Variants in CSMD1 observed in about 807,000 individuals in gnomAD.
CSMD1 encodes CUB and Sushi multiple domains 1.
Under a neutral mutation model 417.5 loss-of-function variants are expected in CSMD1, and 213 were observed. That is an observed-to-expected ratio of 0.51 (90% CI 0.46 to 0.57). The LOEUF is 0.57. Among genes scored for constraint, CSMD1 ranks in the 20% least tolerant of loss-of-function variants. CSMD1 has a pLI of 0.00. For synonymous variants in CSMD1, 2,862 were observed against 1,736.8 expected (o/e 1.65, Z -16.11); for missense variants, 6,923 against 4,529.7 (o/e 1.53, Z -15.17).
intron 1 of CSMD1, among the ~76,000 whole-genome samples, chr8:4,804,999 T>C (rs1338623409): frequency 1.3e-5 from 2 of 152,180 alleles, no homozygotes; most frequent in African/African-American, 4.8e-5. Flanking sequence ...ATAGGATTAA[T>C]TTAAATCTAG....
At chr8:4,765,760 G>C (rs1812422665) in intron 1 of CSMD1, among the ~76,000 whole-genome samples, 1 of 152,104 alleles carries the variant, frequency 6.6e-6, no homozygotes, top group Non-Finnish European at 1.5e-5. Flanking sequence ...TAAATTATTG[G>C]GATAATTTCC....
intron 31 of CSMD1, 146 bp from the exon 32 acceptor site, chr8:3,201,871 C>T: frequency 4.3e-6 from 2 of 467,108 alleles, no homozygotes; most frequent in South Asian, 5.4e-5. Flanking sequence ...CTTATTTTCT[C>T]TGCTTTCTAA....
chr8:3,854,116 T>C (rs1317317150), intron 5 of CSMD1, among the ~76,000 whole-genome samples: 1 of 145,166 alleles, frequency 6.9e-6, no homozygotes, highest in African/African-American at 2.5e-5. Context: ...TATAGTTATA[T>C]ATTATACTTA....
chr8:3,189,102 TAAGA>T, intron 34 of CSMD1, 91 bp from the exon 35 acceptor site: 9 of 1,228,268 alleles, frequency 7.3e-6, no homozygotes, highest in Non-Finnish European at 1.0e-5. Context: ...GACCACACAG[TAAGA>T]GAAAATGTAC....
chr8:4,624,982 A>G (rs1420963211), intron 2 of CSMD1, among the ~76,000 whole-genome samples: 1 of 152,174 alleles, frequency 6.6e-6, no homozygotes, highest in Non-Finnish European at 1.5e-5. Context: ...TGAGTTTATC[A>G]TCACCTTATT....
intron 7 of CSMD1, among the ~76,000 whole-genome samples, chr8:3,661,360 C>G (rs1047590484): frequency 6.6e-6 from 1 of 152,068 alleles, no homozygotes. Flanking sequence ...CTCCACCTCA[C>G]TGCAGATTTC....
At position 4,798,796 on chromosome 8, in the gene CSMD1, A is replaced by G. The variant is rs78181992; in HGVS notation, c.86-161238T>C. Among the ~76,000 whole-genome samples the G allele has an allele frequency of 7.5e-3, 1,141 of 152,340 alleles. 12 individuals are homozygous for G. Among genetic ancestry groups the G allele is most frequent in the Non-Finnish European group, 0.011 (717 of 68,038 alleles). Reference sequence around the variant, plus strand: ...CATTAGTAGAACTTCAAAAGTAGAAACTGGGAGAAGAAAAATAATCATTTT... The same window carrying G: ...CATTAGTAGAACTTCAAAAGTAGAAGCTGGGAGAAGAAAAATAATCATTTT... On this transcript the variant is annotated intron_variant, in intron 1 of 69. Coordinates refer to ENST00000635120, the MANE Select transcript of CSMD1 (RefSeq NM_033225.6).
intron 3 of CSMD1, among the ~76,000 whole-genome samples, chr8:4,345,441 A>C (rs1019621720): frequency 6.6e-6 from 1 of 152,110 alleles, no homozygotes; most frequent in Admixed American, 6.6e-5. Flanking sequence ...AGGATAAAGA[A>C]GAGAAAAAAT....
chr8:3,558,368 G>GAT (rs1563152244), intron 10 of CSMD1, among the ~76,000 whole-genome samples: 3 of 88,620 alleles, frequency 3.4e-5, no homozygotes, highest in Non-Finnish European at 5.9e-5. Context: ...AATGATGAAT[G>GAT]GTGCCTCAGT....
At chr8:4,528,468 G>C (rs1215175519) in intron 2 of CSMD1, among the ~76,000 whole-genome samples, 1 of 152,168 alleles carries the variant, frequency 6.6e-6, no homozygotes, top group East Asian at 1.9e-4. Flanking sequence ...CATAAAATGA[G>C]AATCATGTAA....
At chr8:3,057,538 G>A (rs13274694) in intron 49 of CSMD1, among the ~76,000 whole-genome samples, 95,683 of 151,830 alleles carry the variant, frequency 0.63, 30,435 homozygotes, top group Non-Finnish European at 0.65. Flanking sequence ...GTGTAATTAT[G>A]TCTTATTTTA....
intron 1 of CSMD1, among the ~76,000 whole-genome samples, chr8:4,947,528 T>C (rs1413722096): frequency 6.6e-6 from 1 of 152,116 alleles, no homozygotes; most frequent in Non-Finnish European, 1.5e-5. Flanking sequence ...CCACATGTGG[T>C]CAGAAAGGTG....
At chr8:3,822,365 G>A (rs1328209043) in intron 5 of CSMD1, among the ~76,000 whole-genome samples, 1 of 152,064 alleles carries the variant, frequency 6.6e-6, no homozygotes, top group Non-Finnish European at 1.5e-5. Context: ...TCGTTGAACT[G>A]TATCTATGAA....
At chr8:4,074,857 C>G (rs1055086910) in intron 3 of CSMD1, among the ~76,000 whole-genome samples, 1 of 151,704 alleles carries the variant, frequency 6.6e-6, no homozygotes, top group South Asian at 2.1e-4. Flanking sequence ...TTTTTTTTCT[C>G]TCCTCCAGAA....
intron 3 of CSMD1, among the ~76,000 whole-genome samples, chr8:4,164,047 C>T (rs1199220529): frequency 6.6e-6 from 1 of 152,066 alleles, no homozygotes; most frequent in South Asian, 2.1e-4. Flanking sequence ...GTGTCATTCC[C>T]TTCTCTTCTT....
intron 3 of CSMD1, among the ~76,000 whole-genome samples, chr8:4,263,887 A>T (rs1804055836): frequency 6.6e-6 from 1 of 152,218 alleles, no homozygotes; most frequent in African/African-American, 2.4e-5. Context: ...TGCTCAGAAC[A>T]ATTATAGACA....
At chr8:3,084,058 A>T (rs762813531) in intron 49 of CSMD1, among the ~76,000 whole-genome samples, 13 of 152,132 alleles carry the variant, frequency 8.5e-5, no homozygotes, top group Non-Finnish European at 1.8e-4. Flanking sequence ...GTCAGTACAC[A>T]CAACTGCTCA....
At chr8:3,458,042 C>A (rs1426566780) in intron 12 of CSMD1, among the ~76,000 whole-genome samples, 1 of 152,118 alleles carries the variant, frequency 6.6e-6, no homozygotes, top group Non-Finnish European at 1.5e-5. Flanking sequence ...TCATTCTTAC[C>A]TGAGACTAAA....
chr8:4,877,689 A>G (rs1459587623), intron 1 of CSMD1, among the ~76,000 whole-genome samples: 1 of 152,060 alleles, frequency 6.6e-6, no homozygotes, highest in African/African-American at 2.4e-5. Flanking sequence ...CCCCTATTCC[A>G]TCTGGAATTA....
Sources: gnomAD v4.1 joint callset for allele counts (sites outside exome capture counted in the v4.1 genomes callset) on GRCh38, gnomAD v4.1.1 for gene constraint, MANE v1.5 for transcripts, NCBI Gene and HGNC (gene_info 2026-07-23, HGNC 2026-07-21) for gene names.